Variants in MYO5A observed in about 807,000 individuals in gnomAD.
The protein encoded by MYO5A is unconventional myosin-Va.
Under a neutral mutation model 249.7 loss-of-function variants are expected in MYO5A, and 98 were observed. That is an observed-to-expected ratio of 0.39 (90% CI 0.33 to 0.46). MYO5A has a LOEUF of 0.46. MYO5A is among the 20% of genes least tolerant of loss of function. The pLI, the probability that MYO5A is intolerant of heterozygous loss-of-function variation, is 0.98. For missense variants in MYO5A, 1,696 were observed against 2,308.8 expected (o/e 0.73, Z 5.44); for synonymous variants, 778 against 810.6 (o/e 0.96, Z 0.68).
At chr15:52,495,129 C>A (rs2077012162) in intron 1 of MYO5A, among the ~76,000 whole-genome samples, 2 of 152,114 alleles carry the variant, frequency 1.3e-5, no homozygotes, top group South Asian at 4.2e-4. Context: ...GGCCAAAATT[C>A]AACTATCCAA....
At chr15:52,460,870 T>C (rs79501394) in intron 1 of MYO5A, among the ~76,000 whole-genome samples, 3,723 of 152,176 alleles carry the variant, frequency 0.024, 144 homozygotes, top group African/African-American at 0.086. Flanking sequence ...TCATAAAATA[T>C]ATATGATCAT....
chr15:52,378,304 C>T (rs535237254), intron 18 of MYO5A, among the ~76,000 whole-genome samples: 6 of 151,756 alleles, frequency 4.0e-5, no homozygotes, highest in East Asian at 3.9e-4. Context: ...GGGCAGATCA[C>T]GAGGTCAGGA....
intron 40 of MYO5A, among the ~76,000 whole-genome samples, chr15:52,315,562 TG>T (rs2037963615): frequency 6.6e-6 from 1 of 151,620 alleles, no homozygotes; most frequent in South Asian, 2.1e-4. Flanking sequence ...TTTGTAGAGA[TG>T]GGGTTTCACC....
chr15:52,427,151 C>A (rs542565442), intron 3 of MYO5A, among the ~76,000 whole-genome samples: 4 of 151,872 alleles, frequency 2.6e-5, no homozygotes, highest in Non-Finnish European at 5.9e-5. Context: ...TTTTTTTATA[C>A]TTTTCTGTAT....
chr15:52,484,691 C>CTGGA (rs1415837558), intron 1 of MYO5A, among the ~76,000 whole-genome samples: 2 of 152,236 alleles, frequency 1.3e-5, no homozygotes, highest in African/African-American at 4.8e-5. Flanking sequence ...GTCCCCCAGG[C>CTGGA]TGGAGTGCAG....
intron 25 of MYO5A, among the ~76,000 whole-genome samples, chr15:52,354,584 G>A (rs541777481): frequency 1.3e-5 from 2 of 152,254 alleles, no homozygotes; most frequent in South Asian, 2.1e-4. Context: ...GGCCGGGCAC[G>A]GTGGCTCATG....
At chr15:52,347,960 A>T (rs1045143972) in intron 29 of MYO5A, among the ~76,000 whole-genome samples, 1 of 152,242 alleles carries the variant, frequency 6.6e-6, no homozygotes, top group Non-Finnish European at 1.5e-5. Flanking sequence ...AAGTGTTTAC[A>T]TCAAATAATG....
rs1596374124 is a variant in MYO5A, at chr15:52,379,543, T to C, written c.2208+82A>G. The C allele has an allele frequency of 2.1e-5, 25 of 1,202,840 alleles. No individual in the cohort carries two copies. In the East Asian group the frequency reaches 5.6e-4, roughly 27 times the overall value. The allele number at this position is 1,202,840 out of a possible 1,614,324, so 74.5% of individuals were successfully genotyped here. A position where few individuals can be genotyped will look rare whatever the true frequency, so the allele number is the denominator to read the frequency against. ...CGAAATGATCTGGACTAGTAAAATG[T>C]TATACAAAAGTTCCCGGGGCTTTCC... On this transcript the variant is annotated intron_variant, in intron 18 of 41. Transcript: ENST00000399233.
intron 9 of MYO5A, 30 bp from the exon 10 acceptor site, chr15:52,397,496 G>A (rs2141186605): frequency 6.2e-7 from 1 of 1,610,140 alleles, no homozygotes; most frequent in African/African-American, 1.3e-5. Context: ...TATTTCCTAT[G>A]ACCAGATAAA....
intron 4 of MYO5A, among the ~76,000 whole-genome samples, chr15:52,416,775 T>C (rs992439722): frequency 2.0e-5 from 3 of 152,240 alleles, no homozygotes; most frequent in African/African-American, 7.2e-5. Context: ...CTAGTGACTT[T>C]GCAGCTGCAC....
chr15:52,482,613 T>A (rs2141497967), intron 1 of MYO5A, among the ~76,000 whole-genome samples: 1 of 152,346 alleles, frequency 6.6e-6, no homozygotes, highest in East Asian at 1.9e-4. Context: ...TTATTCCATT[T>A]GATATCCCTA....
chr15:52,368,143 T>C (rs947783800), intron 22 of MYO5A, among the ~76,000 whole-genome samples: 4 of 152,162 alleles, frequency 2.6e-5, no homozygotes, highest in African/African-American at 9.7e-5. Flanking sequence ...AAATCTCTTG[T>C]CATGTCAGGG....
chr15:52,363,074 G>A (rs2040617305), intron 24 of MYO5A, among the ~76,000 whole-genome samples: 1 of 152,056 alleles, frequency 6.6e-6, no homozygotes, highest in South Asian at 2.1e-4. Flanking sequence ...AATAACTAGG[G>A]GGTCTCAGAA....
intron 25 of MYO5A, among the ~76,000 whole-genome samples, chr15:52,358,389 C>T (rs1268588543): frequency 6.6e-6 from 1 of 152,132 alleles, no homozygotes; most frequent in South Asian, 2.1e-4. Flanking sequence ...GCTCAGAAGT[C>T]CTAATTTTTA....
At position 52,317,032 on chromosome 15, in the gene MYO5A, G is replaced by C. The variant is rs185241256; in HGVS notation, c.5409+16C>G. The C allele has an allele frequency of 6.2e-7, 1 of 1,608,368 alleles. No homozygotes were observed. Among genetic ancestry groups the C allele is most frequent in the Non-Finnish European group, 8.5e-7 (1 of 1,174,936 alleles). On this transcript the variant is annotated intron_variant, in intron 40 of 41. Coordinates refer to ENST00000399233, the MANE Select transcript of MYO5A (RefSeq NM_001382347.1). ...ATGAATGTTAAATTATTTTGTAACA[G>C]GGAAAGTTGCTCTACCTGGGCAGTA...
chr15:52,506,040 C>T (rs890696388), intron 1 of MYO5A, among the ~76,000 whole-genome samples: 2 of 151,790 alleles, frequency 1.3e-5, no homozygotes, highest in East Asian at 3.9e-4. Context: ...ATGGCAAAAC[C>T]CTCTCTCTAC....
chr15:52,512,554 C>T (rs919014910), intron 1 of MYO5A, among the ~76,000 whole-genome samples: 1 of 152,016 alleles, frequency 6.6e-6, no homozygotes, highest in African/African-American at 2.4e-5. Flanking sequence ...ACAAGAAGGA[C>T]ATACATCAAA....
chr15:52,450,843 G>GTTTTTTGTTTTTTTTTTTT (rs769982056), intron 1 of MYO5A, among the ~76,000 whole-genome samples: 2 of 84,590 alleles, frequency 2.4e-5, no homozygotes, highest in African/African-American at 1.0e-4. Context: ...CACTACTGTG[G>GTTTTTTGTTTTTTTTTTTT]TTTTTTTTTT....
At position 52,407,479 on chromosome 15, in the gene MYO5A, G is replaced by A; in HGVS notation, c.839-80C>T. On this transcript the variant is annotated intron_variant, in intron 7 of 41. Transcript: ENST00000399233. The stretch of plus-strand genomic sequence containing the variant: ...ACCTTATGTCCACTCTGAATCAGAG[G>A]TGGTGATAGCACAGTTGAGTGTACA... 3 of 935,138 alleles carry A rather than the reference G, an allele frequency of 3.2e-6. No individual in the cohort carries two copies. The South Asian group carries it at 4.0e-5, about 12-fold the overall frequency. 57.9% of individuals were successfully genotyped at this position (935,138 alleles called of 1,614,324 possible). A position where few individuals can be genotyped will look rare whatever the true frequency, so the allele number is the denominator to read the frequency against.
Sources: gnomAD v4.1 joint callset for allele counts (sites outside exome capture counted in the v4.1 genomes callset) on GRCh38, gnomAD v4.1.1 for gene constraint, MANE v1.5 for transcripts, NCBI Gene and HGNC (gene_info 2026-07-23, HGNC 2026-07-21) for gene names.